CSMD1: variants seen among roughly 807,000 people sequenced by gnomAD.
The protein encoded by CSMD1 is CUB and Sushi multiple domains 1, also known as CUB and sushi domain-containing protein 1.
In CSMD1, 213 loss-of-function variants were observed where a neutral mutation model predicts 417.5. The ratio of observed to expected loss-of-function variants is 0.51; its 90% CI spans 0.46 to 0.57. The LOEUF (loss-of-function observed/expected upper bound fraction) is 0.57, where lower values mean the gene tolerates loss of function less well. CSMD1 is among the 20% of genes least tolerant of loss of function. The pLI is 0.00. For synonymous variants in CSMD1, 2,862 were observed against 1,736.8 expected (o/e 1.65, Z -16.11); for missense variants, 6,923 against 4,529.7 (o/e 1.53, Z -15.17).
At chr8:3,943,963 G>C (rs955399092) in intron 5 of CSMD1, among the ~76,000 whole-genome samples, 2 of 152,016 alleles carry the variant, frequency 1.3e-5, no homozygotes, top group South Asian at 2.1e-4. Context: ...ATTTGAATTA[G>C]GTCTGAAAAT....
chr8:3,764,688 C>A (rs913841978), intron 5 of CSMD1, among the ~76,000 whole-genome samples: 1 of 151,498 alleles, frequency 6.6e-6, no homozygotes, highest in Non-Finnish European at 1.5e-5. Flanking sequence ...GAGCAGTAAT[C>A]ACCTGAAAAT....
intron 1 of CSMD1, among the ~76,000 whole-genome samples, chr8:4,640,474 T>C (rs1306587025): frequency 6.6e-6 from 1 of 152,196 alleles, no homozygotes; most frequent in Non-Finnish European, 1.5e-5. Flanking sequence ...CACAAAGATA[T>C]AGAATCTAGA....
At chr8:3,765,909 A>G (rs550236923) in intron 5 of CSMD1, among the ~76,000 whole-genome samples, 1 of 152,262 alleles carries the variant, frequency 6.6e-6, no homozygotes, top group Admixed American at 6.5e-5. Context: ...CATCTCAAAC[A>G]TGACAGACTT....
chr8:3,666,364 A>C (rs945415696), intron 7 of CSMD1, among the ~76,000 whole-genome samples: 1 of 152,240 alleles, frequency 6.6e-6, no homozygotes, highest in African/African-American at 2.4e-5. Flanking sequence ...TTAAAATGAC[A>C]TATTCAGTAG....
intron 12 of CSMD1, among the ~76,000 whole-genome samples, chr8:3,450,583 T>G (rs929285044): frequency 6.6e-6 from 1 of 151,730 alleles, no homozygotes; most frequent in Non-Finnish European, 1.5e-5. Context: ...TTTGTCTTTG[T>G]GATAGTTTCC....
intron 2 of CSMD1, among the ~76,000 whole-genome samples, chr8:4,471,539 T>G (rs1023708001): frequency 6.6e-6 from 1 of 152,076 alleles, no homozygotes; most frequent in African/African-American, 2.4e-5. Context: ...GCTTAAGAAT[T>G]AGAACCAGTG....
At chr8:4,330,810 C>T (rs888026960) in intron 3 of CSMD1, among the ~76,000 whole-genome samples, 5 of 152,118 alleles carry the variant, frequency 3.3e-5, no homozygotes, top group African/African-American at 1.2e-4. Flanking sequence ...TTCTGAAGCA[C>T]TGTTCATTCT....
chr8:4,116,379 T>C (rs184965645), intron 3 of CSMD1, among the ~76,000 whole-genome samples: 2 of 152,110 alleles, frequency 1.3e-5, no homozygotes, highest in Non-Finnish European at 2.9e-5. Context: ...TCCAAACCCA[T>C]GGAATATACC....
chr8:3,859,982 T>G (rs1804582981), intron 5 of CSMD1, among the ~76,000 whole-genome samples: 2 of 152,186 alleles, frequency 1.3e-5, no homozygotes. Flanking sequence ...AGCCTGAGGG[T>G]GGTTTTGGGA....
At chr8:4,432,231 A>T (rs1218379357) in intron 2 of CSMD1, among the ~76,000 whole-genome samples, 2 of 152,216 alleles carry the variant, frequency 1.3e-5, no homozygotes, top group African/African-American at 4.8e-5. Flanking sequence ...CAAATGGGTT[A>T]TGAGAAAACA....
At chr8:3,633,934 A>G (rs1041313766) in intron 7 of CSMD1, among the ~76,000 whole-genome samples, 4 of 152,210 alleles carry the variant, frequency 2.6e-5, no homozygotes, top group African/African-American at 9.6e-5. Context: ...CATAAAATAT[A>G]TCATTCCATT....
intron 1 of CSMD1, among the ~76,000 whole-genome samples, chr8:4,911,774 G>C (rs1805687750): frequency 6.6e-6 from 1 of 151,966 alleles, no homozygotes; most frequent in African/African-American, 2.4e-5. Flanking sequence ...TTCCAACATA[G>C]AAGCCGCCAG....
At chr8:4,159,878 G>C (rs551010030) in intron 3 of CSMD1, among the ~76,000 whole-genome samples, 2 of 152,072 alleles carry the variant, frequency 1.3e-5, no homozygotes, top group African/African-American at 2.4e-5. Context: ...CCATAAGTGC[G>C]AGCTAGCCTA....
At chr8:4,790,945 C>G (rs1435461892) in intron 1 of CSMD1, among the ~76,000 whole-genome samples, 1 of 152,150 alleles carries the variant, frequency 6.6e-6, no homozygotes, top group African/African-American at 2.4e-5. Context: ...GGCAAAGACT[C>G]CAAAAGCAAC....
intron 3 of CSMD1, among the ~76,000 whole-genome samples, chr8:4,201,894 G>GGGA (rs1554491992): frequency 2.7e-5 from 4 of 147,916 alleles, no homozygotes; most frequent in African/African-American, 1.0e-4. Flanking sequence ...TTTTGGGGGG[G>GGGA]GGGGGCGCTG....
chr8:3,665,458 G>C (rs11998381), intron 7 of CSMD1, among the ~76,000 whole-genome samples: 3,352 of 152,258 alleles, frequency 0.022, 53 homozygotes, highest in African/African-American at 0.046. Flanking sequence ...GAACCCGGGA[G>C]ACGGAGGTTG....
chr8:3,385,659 T>A (rs1399384805), intron 18 of CSMD1, among the ~76,000 whole-genome samples: 1 of 152,182 alleles, frequency 6.6e-6, no homozygotes, highest in African/African-American at 2.4e-5. Flanking sequence ...TATATGACGG[T>A]TCTCTGTATA....
At chr8:3,407,870 G>C (rs1812450167) in intron 14 of CSMD1, 29 bp downstream of exon 14, 1 of 1,551,442 alleles carries the variant, frequency 6.4e-7, no homozygotes, top group East Asian at 2.3e-5. Flanking sequence ...ATGAGAACTT[G>C]GATGTGTTGA....
chr8:4,565,749 CATATATATATATATATATAT>C (rs58696547), intron 2 of CSMD1, among the ~76,000 whole-genome samples: 9,787 of 118,320 alleles, frequency 0.083, 511 homozygotes, highest in Non-Finnish European at 0.1. Flanking sequence ...AAAATATATA[CATATATATATATATATATAT>C]ATATATATAT....
Sources: gnomAD v4.1 joint callset for allele counts (sites outside exome capture counted in the v4.1 genomes callset) on GRCh38, gnomAD v4.1.1 for gene constraint, MANE v1.5 for transcripts, NCBI Gene and HGNC (gene_info 2026-07-23, HGNC 2026-07-21) for gene names.